Variants in TIMM21 observed in about 807,000 individuals in gnomAD.
TIMM21 encodes translocase of inner mitochondrial membrane 21, also known as mitochondrial import inner membrane translocase subunit Tim21.
TIMM21 carries 30 observed loss-of-function variants against 27.7 expected under a neutral mutation model. The observed-to-expected ratio is 1.08, with a 90% CI of 0.81 to 1.47. The LOEUF is 1.47. TIMM21 is among the 40% of genes most tolerant of loss of function. TIMM21 has a pLI of 0.00. For missense variants in TIMM21, 292 were observed against 302.9 expected, an observed-to-expected ratio of 0.96 and a Z score of 0.27; for synonymous variants, 121 against 114.4, an observed-to-expected ratio of 1.06 and a Z score of -0.37.
chr18:74,148,946 A>T lies in TIMM21; in HGVS notation c.138A>T (p.Gln46His). 2 of 1,614,230 alleles carry T rather than the reference A, an allele frequency of 1.2e-6. No homozygotes were observed. Among genetic ancestry groups the T allele is most frequent in the Non-Finnish European group, 1.7e-6 (2 of 1,180,040 alleles). The change falls in exon 1 of 6, where the codon CAA becomes CAT. Residue 46 changes from glutamine to histidine, a missense_variant. Physicochemically the swap from Gln to His is conservative, Grantham distance 24. Transcript: ENST00000169551. ...AGCCCAGTTTGAGATGTGGGCTTCA[A>T]TATCAAAAGAAAACGCTGCGACCTA... The part of the protein sequence containing the change: ...KTEPSLRCGL[Q>H]YQKKTLRPRC...
Position 74,149,030 on chromosome 18 carries a change from A to G in TIMM21, c.222A>G (p.Lys74=), listed in dbSNP as rs1979701724. ...GGACGCAGGGACCGAGCCCCCGAAAAGCAAAGGAGGATGGCAGCAAACAAG... is the reference window on the plus strand; with the variant it reads ...GGACGCAGGGACCGAGCCCCCGAAAGGCAAAGGAGGATGGCAGCAAACAAG... ...TIWTQGPSPR[K]AKEDGSKQVS... The change falls in exon 1 of 6, where the codon AAA becomes AAG. Residue 74 remains lysine, a synonymous_variant. Transcript: ENST00000169551. 1 of 1,614,036 alleles carries G rather than the reference A, an allele frequency of 6.2e-7. No individual in the cohort carries two copies. Among genetic ancestry groups the G allele is most frequent in the Non-Finnish European group, 8.5e-7 (1 of 1,180,046 alleles).
rs2121927756 is a variant in TIMM21, at chr18:74,158,837, A to C, written c.*357A>C. 5.2e-6 allele frequency: 1 copy of C among 193,178 alleles called. No homozygotes were observed. Among genetic ancestry groups the C allele is most frequent in the East Asian group, 1.7e-4 (1 of 5,820 alleles). 12.0% of individuals were successfully genotyped at this position (193,178 alleles called of 1,614,324 possible). A position where few individuals can be genotyped will look rare whatever the true frequency, so the allele number is the denominator to read the frequency against. ...AACTGCATAATGTCTGCAGAATAAA[A>C]TTAAAACTAACAAATATGTCATTAG... On this transcript the variant is annotated 3_prime_UTR_variant, in exon 6 of 6. Transcript: ENST00000169551.
intron 1 of TIMM21, among the ~76,000 whole-genome samples, chr18:74,154,491 G>T (rs191085045): frequency 1.8e-4 from 28 of 151,850 alleles, no homozygotes; most frequent in Non-Finnish European, 3.4e-4. Flanking sequence ...TCGATCTCCT[G>T]ACCTCGTGAT....
intron 2 of TIMM21, 49 bp from the exon 3 acceptor site, chr18:74,155,257 T>A (rs745399899): frequency 6.2e-7 from 1 of 1,612,674 alleles, no homozygotes; most frequent in South Asian, 1.1e-5. Flanking sequence ...TAAACTGGAC[T>A]TTTTATGTTG....
rs77700203 is a variant in TIMM21 at position 74,152,409 on chromosome 18, A to G, written c.302-2736A>G. Among the ~76,000 whole-genome samples, 760 of 152,146 alleles carry G rather than the reference A, an allele frequency of 5.0e-3. 6 individuals are homozygous for G. The highest frequency in any genetic ancestry group is 0.017 in the African/African-American group (722 of 41,518). On this transcript the variant is annotated intron_variant, in intron 1 of 5. Transcript: ENST00000169551. This position sits in a 1 kb window ranked among gnomAD's most constrained non-coding sequence, Gnocchi z 4.1. ...GCTCCTGCCCTTGGCACTCACCTTC[A>G]CTGGTGATTAGTTACACACTTCATC...
At chr18:74,153,268 C>T (rs949776237) in intron 1 of TIMM21, among the ~76,000 whole-genome samples, 1 of 152,130 alleles carries the variant, frequency 6.6e-6, no homozygotes, top group African/African-American at 2.4e-5. Flanking sequence ...GAATATTTAG[C>T]ACAGGGCTTT....
At position 74,152,061 on chromosome 18, in the gene TIMM21, A is replaced by G. The variant is rs1186262802; in HGVS notation, c.301+2952A>G. ...GAGAGCCCTCCTGAGAGCAGCACGT[A>G]TCTTGCTAGGCAGAAACCCCCACCC... is the stretch of plus-strand genomic sequence containing the variant. On this transcript the variant is annotated intron_variant, in intron 1 of 5. Coordinates refer to ENST00000169551, the MANE Select transcript of TIMM21 (RefSeq NM_014177.3). The surrounding 1 kb of genome is among the most constrained non-coding windows in gnomAD (Gnocchi z 4.1). 6.6e-6 allele frequency among the ~76,000 whole-genome samples: 1 copy of G among 151,834 alleles called. No individual in the cohort carries two copies. Among genetic ancestry groups the G allele is most frequent in the Non-Finnish European group, 1.5e-5 (1 of 68,004 alleles).
intron 1 of TIMM21, among the ~76,000 whole-genome samples, chr18:74,151,440 A>G (rs1015752135): frequency 6.6e-6 from 1 of 151,870 alleles, no homozygotes; most frequent in Non-Finnish European, 1.5e-5. Context: ...TAGGTCAGAC[A>G]CTCCCGACTG....
rs949680558 is a variant in TIMM21 at position 74,152,391 on chromosome 18, C to T, written c.302-2754C>T. Among the ~76,000 whole-genome samples the T allele has an allele frequency of 2.0e-5, 3 of 152,290 alleles. No individual in the cohort carries two copies. Among genetic ancestry groups the T allele is most frequent in the African/African-American group, 7.2e-5 (3 of 41,548 alleles). ...TGTTCTGCCGGGGAGGAGGCTCCTGCCCTTGGCACTCACCTTCACTGGTGA... is the reference window on the plus strand; with the variant it reads ...TGTTCTGCCGGGGAGGAGGCTCCTGTCCTTGGCACTCACCTTCACTGGTGA... On this transcript the variant is annotated intron_variant, in intron 1 of 5. Transcript: ENST00000169551. This position sits in a 1 kb window ranked among gnomAD's most constrained non-coding sequence, Gnocchi z 4.1.
chr18:74,151,926 G>A (rs1246737320), intron 1 of TIMM21, among the ~76,000 whole-genome samples: 1 of 138,806 alleles, frequency 7.2e-6, no homozygotes, highest in Non-Finnish European at 1.5e-5. Flanking sequence ...AAGAAGCAGT[G>A]GTGTCTATGT....
rs1430103231 is a variant in TIMM21 at position 74,159,331 on chromosome 18, G to A, written c.*851G>A. On this transcript the variant is annotated 3_prime_UTR_variant, in exon 6 of 6. Coordinates refer to ENST00000169551, the MANE Select transcript of TIMM21 (RefSeq NM_014177.3). ...TATTTTATTTGAAATATTTGCTGGG[G>A]ATTTGGAAAAAAGTGACCTTCACTT... The A allele has an allele frequency of 6.6e-6, 1 of 151,712 alleles. No homozygotes were observed. Among genetic ancestry groups the A allele is most frequent in the African/African-American group, 2.4e-5 (1 of 41,262 alleles). The allele number at this position is 151,712 out of a possible 1,614,324, so 9.4% of individuals were successfully genotyped here.
Position 74,157,997 on chromosome 18 carries a change from C to T in TIMM21, c.463-17C>T, listed in dbSNP as rs755605577. 26 of 1,613,270 alleles carry T rather than the reference C, an allele frequency of 1.6e-5. No homozygotes were observed. Among genetic ancestry groups the T allele is most frequent in the Admixed American group, 1.2e-4 (7 of 59,938 alleles). On this transcript the variant is annotated splice_polypyrimidine_tract_variant and intron_variant, in intron 3 of 5. Transcript: ENST00000169551. ...TAAAAAAATAACACAAAATAAAGCA[C>T]TGTCCTTGTTCTGCAGGTGATCGGT...
rs1439332797 is a variant in TIMM21 at position 74,158,272 on chromosome 18, AAG to A, written c.641_642del (p.Asn215ProfsTer5). The A allele has an allele frequency of 6.2e-7, 1 of 1,614,046 alleles. No individual in the cohort carries two copies. The highest frequency in any genetic ancestry group is 1.3e-5 in the African/African-American group (1 of 74,924). On this transcript the variant is annotated frameshift_variant and splice_region_variant, in exon 5 of 6. Transcript: ENST00000169551. LOFTEE classifies it low-confidence loss of function (END_TRUNC). ...CAAGGAACGGTGTATGCGCAAGTGA[AAG>A]AGGTGTGGGAATCATGGGATGTGGG...
chr18:74,155,349 C>T lies in TIMM21; in HGVS notation c.408C>T (p.Ser136=). The T allele has an allele frequency of 1.2e-6, 2 of 1,613,428 alleles. No individual in the cohort carries two copies. Among genetic ancestry groups the T allele is most frequent in the South Asian group, 2.2e-5 (2 of 90,792 alleles). Residue 136 remains serine, a synonymous_variant, in exon 3 of 6, where the codon TCC becomes TCT. Transcript: ENST00000169551. ...TTTTCAAAGAACTTTTTTCTTCATC[C>T]AGTCCTAGCAAGATATATGGGAGAG... ...YTIFKELFSS[S]SPSKIYGRAL...
At chr18:74,149,633 C>T (rs1020374490) in intron 1 of TIMM21, among the ~76,000 whole-genome samples, 10 of 150,182 alleles carry the variant, frequency 6.7e-5, no homozygotes, top group African/African-American at 2.3e-4. Context: ...TTATACCACA[C>T]GAAGATGACT....
chr18:74,155,334 A>G lies in TIMM21; in HGVS notation c.393A>G (p.Glu131=). The change falls in exon 3 of 6, where the codon GAA becomes GAG. Residue 131 remains glutamate, a synonymous_variant. Coordinates refer to ENST00000169551, the MANE Select transcript of TIMM21 (RefSeq NM_014177.3). ...TGGLFYTIFK[E]LFSSSSPSKI... ...GCTTGTTTTACACGATTTTCAAAGA[A>G]CTTTTTTCTTCATCCAGTCCTAGCA... 1 of 1,613,516 alleles carries G rather than the reference A, an allele frequency of 6.2e-7. No individual in the cohort carries two copies. Among genetic ancestry groups the G allele is most frequent in the East Asian group, 2.2e-5 (1 of 44,868 alleles).
chr18:74,155,028 C>G, intron 1 of TIMM21, 117 bp from the exon 2 acceptor site: 2 of 935,672 alleles, frequency 2.1e-6, no homozygotes, highest in South Asian at 2.9e-5. Flanking sequence ...TGAACACACA[C>G]AGACCCCTTG....
At chr18:74,155,028 C>T (rs1979911061) in intron 1 of TIMM21, 117 bp from the exon 2 acceptor site, 2 of 935,552 alleles carry the variant, frequency 2.1e-6, no homozygotes, top group African/African-American at 3.3e-5. Flanking sequence ...TGAACACACA[C>T]AGACCCCTTG....
Position 74,155,409 on chromosome 18 carries a change from T to TA in TIMM21, c.462+6_462+7insA. 1 of 1,602,952 alleles carries TA rather than the reference T, an allele frequency of 6.2e-7. No homozygotes were observed. The highest frequency in any genetic ancestry group is 1.1e-5 in the South Asian group (1 of 88,396). On this transcript the variant is annotated splice_region_variant and intron_variant, in intron 3 of 5. Coordinates refer to ENST00000169551, the MANE Select transcript of TIMM21 (RefSeq NM_014177.3). ...AATGCAGATCACATCCTGAGGTTAG[T>TA]TCTCAAGATTGAGTTACATGAACTC...
Sources: gnomAD v4.1 joint callset for allele counts (sites outside exome capture counted in the v4.1 genomes callset) on GRCh38, gnomAD v4.1.1 for gene constraint, Gnocchi (gnomAD v3.1) non-coding constraint, MANE v1.5 for transcripts, NCBI Gene and HGNC (gene_info 2026-07-23, HGNC 2026-07-21) for gene names.